FBXL17: variants seen among roughly 807,000 people sequenced by gnomAD.
FBXL17 encodes F-box and leucine rich repeat protein 17.
In FBXL17, 22 loss-of-function variants were observed where a neutral mutation model predicts 66.2. The ratio of observed to expected loss-of-function variants is 0.33; its 90% CI spans 0.24 to 0.47. The LOEUF (loss-of-function observed/expected upper bound fraction) is 0.47. Among genes scored for constraint, FBXL17 ranks in the 20% least tolerant of loss-of-function variants. The pLI is 1.00. For missense variants in FBXL17, 878 were observed against 948.2 expected (o/e 0.93, Z 0.97); for synonymous variants, 474 against 400.5 (o/e 1.18, Z -2.19).
intron 7 of FBXL17, among the ~76,000 whole-genome samples, chr5:107,908,711 T>A (rs776478435): frequency 4.6e-5 from 7 of 152,118 alleles, no homozygotes; most frequent in Non-Finnish European, 5.9e-5. Flanking sequence ...GCAAAGGCCC[T>A]TGGGTGGGAA....
chr5:108,352,711 A>G (rs1271921886), intron 3 of FBXL17, among the ~76,000 whole-genome samples: 1 of 152,078 alleles, frequency 6.6e-6, no homozygotes, highest in Non-Finnish European at 1.5e-5. Flanking sequence ...GAGTTTCACT[A>G]TGTTGGCCAG....
intron 6 of FBXL17, among the ~76,000 whole-genome samples, chr5:108,103,558 G>T (rs571859066): frequency 6.7e-6 from 1 of 150,072 alleles, no homozygotes; most frequent in Admixed American, 6.6e-5. Flanking sequence ...AGAATCAAAA[G>T]TAAACAAATA....
At chr5:108,007,538 A>G (rs1312745334) in intron 7 of FBXL17, among the ~76,000 whole-genome samples, 1 of 152,178 alleles carries the variant, frequency 6.6e-6, no homozygotes, top group Admixed American at 6.5e-5. Context: ...AAGGTGAAAA[A>G]AAAAAGTAAA....
At chr5:108,084,384 A>C (rs1175431101) in intron 6 of FBXL17, among the ~76,000 whole-genome samples, 1 of 152,220 alleles carries the variant, frequency 6.6e-6, no homozygotes, top group Non-Finnish European at 1.5e-5. Context: ...TTTGCTCTGC[A>C]TGAGAAACAG....
intron 4 of FBXL17, among the ~76,000 whole-genome samples, chr5:108,249,047 T>A (rs1756233572): frequency 6.6e-6 from 1 of 152,300 alleles, no homozygotes; most frequent in Admixed American, 6.5e-5. Context: ...TTCCCTCTTC[T>A]CTTCAGTTTT....
chr5:108,121,752 T>C (rs1254258187), intron 6 of FBXL17, among the ~76,000 whole-genome samples: 1 of 152,050 alleles, frequency 6.6e-6, no homozygotes, highest in Non-Finnish European at 1.5e-5. Context: ...AGAGAGGGGG[T>C]TTCACTGTGT....
intron 7 of FBXL17, among the ~76,000 whole-genome samples, chr5:107,951,901 C>T (rs1179983610): frequency 6.6e-6 from 1 of 152,148 alleles, no homozygotes; most frequent in East Asian, 1.9e-4. Flanking sequence ...TTTACTTGTA[C>T]AAAACCAGTT....
chr5:108,152,574 T>A (rs1751814419), intron 6 of FBXL17, among the ~76,000 whole-genome samples: 1 of 152,186 alleles, frequency 6.6e-6, no homozygotes, highest in South Asian at 2.1e-4. Flanking sequence ...TGATACAGCA[T>A]GAAGATACTT....
chr5:107,978,761 G>A (rs1580276984), intron 7 of FBXL17, among the ~76,000 whole-genome samples: 2 of 152,100 alleles, frequency 1.3e-5, no homozygotes, highest in African/African-American at 2.4e-5. Flanking sequence ...CCAAGCCTTC[G>A]GAGAGACTGG....
chr5:108,287,006 G>C (rs1279526788), intron 4 of FBXL17, among the ~76,000 whole-genome samples: 1 of 151,728 alleles, frequency 6.6e-6, no homozygotes, highest in Non-Finnish European at 1.5e-5. Context: ...CTTCAACAAA[G>C]TCAACAAAAA....
chr5:108,009,296 T>TAGAG, intron 7 of FBXL17, among the ~76,000 whole-genome samples: 1 of 32,426 alleles, frequency 3.1e-5, no homozygotes, highest in Admixed American at 3.3e-4. Flanking sequence ...TATATATATA[T>TAGAG]ATATACATAT....
intron 6 of FBXL17, among the ~76,000 whole-genome samples, chr5:108,043,322 T>A (rs184225042): frequency 6.6e-6 from 1 of 152,058 alleles, no homozygotes; most frequent in East Asian, 1.9e-4. Context: ...TGAAGGTTTT[T>A]CCCCCCCTAG....
intron 7 of FBXL17, among the ~76,000 whole-genome samples, chr5:107,909,410 A>G (rs1749875010): frequency 1.3e-5 from 2 of 152,184 alleles, no homozygotes; most frequent in African/African-American, 4.8e-5. Flanking sequence ...GCTTCAAACC[A>G]TAATTAGCTG....
intron 5 of FBXL17, among the ~76,000 whole-genome samples, chr5:108,216,829 G>A (rs539580813): frequency 3.9e-5 from 6 of 152,184 alleles, no homozygotes; most frequent in Admixed American, 1.3e-4. Context: ...ACATGCCCAC[G>A]GCTGCACAGA....
chr5:108,305,859 A>G (rs1758813132), intron 4 of FBXL17, among the ~76,000 whole-genome samples: 1 of 152,140 alleles, frequency 6.6e-6, no homozygotes, highest in Non-Finnish European at 1.5e-5. Flanking sequence ...ACCCCTGAAA[A>G]TAACAGTTTC....
intron 7 of FBXL17, among the ~76,000 whole-genome samples, chr5:107,963,552 G>A (rs1413386736): frequency 6.6e-6 from 1 of 152,084 alleles, no homozygotes; most frequent in Non-Finnish European, 1.5e-5. Flanking sequence ...CTTAATGGCT[G>A]TGCTAGTGAA....
intron 6 of FBXL17, among the ~76,000 whole-genome samples, chr5:108,038,910 A>G (rs1031879916): frequency 5.3e-5 from 8 of 152,078 alleles, no homozygotes; most frequent in Admixed American, 2.6e-4. Flanking sequence ...GGTGTGGTTT[A>G]TATTAGAAAG....
intron 3 of FBXL17, among the ~76,000 whole-genome samples, chr5:108,357,408 A>G (rs1442620586): frequency 6.6e-6 from 1 of 152,094 alleles, no homozygotes; most frequent in African/African-American, 2.4e-5. Flanking sequence ...ATATCCTTCT[A>G]TCTGAAATGG....
intron 4 of FBXL17, among the ~76,000 whole-genome samples, chr5:108,285,416 T>C (rs895595430): frequency 6.6e-6 from 1 of 151,868 alleles, no homozygotes; most frequent in Non-Finnish European, 1.5e-5. Flanking sequence ...ATGGCAGCTA[T>C]AGCCTTACAA....
Sources: gnomAD v4.1 joint callset for allele counts (sites outside exome capture counted in the v4.1 genomes callset) on GRCh38, gnomAD v4.1.1 for gene constraint, MANE v1.5 for transcripts, NCBI Gene and HGNC (gene_info 2026-07-23, HGNC 2026-07-21) for gene names.